The following RAD51B variants were observed in gnomAD, a reference collection of about 807,000 sequenced individuals.
RAD51B encodes DNA repair protein RAD51 homolog 2.
Under a neutral mutation model 42.2 loss-of-function variants are expected in RAD51B, and 38 were observed. The observed-to-expected ratio is 0.90, with a 90% CI of 0.70 to 1.18. The LOEUF is 1.18. Ranked by LOEUF, RAD51B falls within the 50% of genes most tolerant of loss-of-function variation. RAD51B has a pLI of 0.00. For synonymous variants in RAD51B, 154 were observed against 145.2 expected (o/e 1.06, Z -0.43); for missense variants, 373 against 400.7 (o/e 0.93, Z 0.59).
At chr14:68,055,988 A>G (rs1009195729) in intron 7 of RAD51B, among the ~76,000 whole-genome samples, 2 of 152,184 alleles carry the variant, frequency 1.3e-5, no homozygotes, top group African/African-American at 2.4e-5. Flanking sequence ...TGTTTTCAGT[A>G]GAAGAAATGA....
intron 5 of RAD51B, among the ~76,000 whole-genome samples, chr14:67,869,423 A>G (rs1056167810): frequency 7.0e-4 from 106 of 152,262 alleles, no homozygotes; most frequent in Non-Finnish European, 1.2e-3. Flanking sequence ...CCTCCAAGAA[A>G]TATGGGACTA....
intron 10 of RAD51B, chr14:68,561,859 A>T: frequency 1.4e-6 from 1 of 699,054 alleles, no homozygotes; most frequent in Non-Finnish European, 1.8e-6. Context: ...TGGTCTCTGT[A>T]GTTTCCTCTG....
intron 10 of RAD51B, among the ~76,000 whole-genome samples, chr14:68,621,171 C>T (rs1022266023): frequency 2.0e-5 from 3 of 152,172 alleles, no homozygotes; most frequent in African/African-American, 7.2e-5. Context: ...TTCATCCATC[C>T]ACCCACCTGT....
downstream of RAD51B, among the ~76,000 whole-genome samples, chr14:68,597,918 A>G (rs1427387432): frequency 6.6e-6 from 1 of 152,194 alleles, no homozygotes; most frequent in Admixed American, 6.5e-5. Context: ...TGATGCTGAA[A>G]TGGAAAGGAC....
At chr14:68,551,903 CT>C (rs1437775136) in intron 10 of RAD51B, among the ~76,000 whole-genome samples, 1 of 152,196 alleles carries the variant, frequency 6.6e-6, no homozygotes, top group Non-Finnish European at 1.5e-5. Flanking sequence ...TATTTGTCCC[CT>C]CTAGGACTTG....
intron 10 of RAD51B, among the ~76,000 whole-genome samples, chr14:68,487,258 C>CTT (rs1883700441): frequency 6.6e-6 from 1 of 152,196 alleles, no homozygotes; most frequent in Non-Finnish European, 1.5e-5. Flanking sequence ...TGGACGTCAT[C>CTT]TCTCTGTGTC....
chr14:68,031,832 A>T (rs1595288493), intron 7 of RAD51B, among the ~76,000 whole-genome samples: 1 of 152,174 alleles, frequency 6.6e-6, no homozygotes. Flanking sequence ...TTCCTCATTT[A>T]CCATCAAAAC....
chr14:68,402,021 A>G (rs2084120172), intron 8 of RAD51B, among the ~76,000 whole-genome samples: 1 of 152,176 alleles, frequency 6.6e-6, no homozygotes, highest in African/African-American at 2.4e-5. Context: ...GACCATTGTC[A>G]ATTTTAGAGA....
At chr14:68,527,163 C>G (rs1886987796) in intron 10 of RAD51B, among the ~76,000 whole-genome samples, 1 of 152,192 alleles carries the variant, frequency 6.6e-6, no homozygotes. Context: ...AATGAAAAAG[C>G]CTACATGCTC....
chr14:68,122,177 A>G (rs576444519), intron 7 of RAD51B, among the ~76,000 whole-genome samples: 38 of 152,286 alleles, frequency 2.5e-4, no homozygotes, highest in African/African-American at 9.1e-4. Flanking sequence ...TCTACATTAG[A>G]AAGTCTTTTC....
chr14:68,504,324 C>T (rs1885129349), intron 10 of RAD51B, among the ~76,000 whole-genome samples: 1 of 152,202 alleles, frequency 6.6e-6, no homozygotes, highest in South Asian at 2.1e-4. Context: ...GGAATCAGGC[C>T]TCCACTTTGG....
intron 10 of RAD51B, among the ~76,000 whole-genome samples, chr14:68,504,416 A>G (rs1391591152): frequency 6.6e-6 from 1 of 152,234 alleles, no homozygotes; most frequent in African/African-American, 2.4e-5. Context: ...TGTGTACATC[A>G]ATGAGTTTGC....
chr14:68,201,688 A>G (rs1296437854), intron 7 of RAD51B, among the ~76,000 whole-genome samples: 1 of 152,174 alleles, frequency 6.6e-6, no homozygotes, highest in Non-Finnish European at 1.5e-5. Context: ...AATCTTTTTT[A>G]TATCAGTGAT....
intron 7 of RAD51B, among the ~76,000 whole-genome samples, chr14:67,960,722 G>T (rs2074646674): frequency 2.0e-5 from 3 of 152,140 alleles, no homozygotes; most frequent in South Asian, 2.1e-4. Context: ...AGGCTAGTGT[G>T]CAGTCTTGCA....
intron 9 of RAD51B, among the ~76,000 whole-genome samples, chr14:68,425,155 G>C (rs1194314357): frequency 6.6e-6 from 1 of 152,186 alleles, no homozygotes. Context: ...TGTTGTGGTT[G>C]TTCAAAGGCC....
intron 7 of RAD51B, among the ~76,000 whole-genome samples, chr14:68,112,242 A>G (rs550155959): frequency 8.5e-5 from 13 of 152,156 alleles, no homozygotes; most frequent in African/African-American, 2.9e-4. Context: ...CTCTTCTTCC[A>G]TTGAATTTTT....
intron 7 of RAD51B, among the ~76,000 whole-genome samples, chr14:68,270,436 C>T (rs2081083231): frequency 6.6e-6 from 1 of 152,096 alleles, no homozygotes; most frequent in Non-Finnish European, 1.5e-5. Flanking sequence ...TGTAATTTCC[C>T]ACAGTCTTAG....
chr14:68,601,215 C>T (rs1023273979), intron 10 of RAD51B, among the ~76,000 whole-genome samples: 3 of 151,954 alleles, frequency 2.0e-5, no homozygotes, highest in East Asian at 1.9e-4. Context: ...CTCATAGCCA[C>T]GTCTCACCAG....
intron 7 of RAD51B, among the ~76,000 whole-genome samples, chr14:67,892,981 C>T (rs1373298296): frequency 6.6e-6 from 1 of 152,108 alleles, no homozygotes; most frequent in East Asian, 1.9e-4. Context: ...GATCTGTATC[C>T]TTTTTCTGTA....
Sources: gnomAD v4.1 joint callset for allele counts (sites outside exome capture counted in the v4.1 genomes callset) on GRCh38, gnomAD v4.1.1 for gene constraint, MANE v1.5 for transcripts, NCBI Gene and HGNC (gene_info 2026-07-23, HGNC 2026-07-21) for gene names.